Variants in ZNF143 observed in about 807,000 individuals in gnomAD.
ZNF143 encodes SPH-binding factor.
Under a neutral mutation model 74.1 loss-of-function variants are expected in ZNF143, and 49 were observed. The ratio of observed to expected loss-of-function variants is 0.66; its 90% confidence interval spans 0.53 to 0.84. The LOEUF (loss-of-function observed/expected upper bound fraction) is 0.84, where lower values mean the gene tolerates loss of function less well. Among genes scored for constraint, ZNF143 ranks in the 40% least tolerant of loss-of-function variants. The pLI is 0.00. For synonymous variants in ZNF143, 304 were observed against 282.8 expected, an observed-to-expected ratio of 1.07 and a Z score of -0.75; for missense variants, 637 against 793.4, an observed-to-expected ratio of 0.80 and a Z score of 2.37.
At chr11:9,481,566 A>C (rs940093443) in intron 7 of ZNF143, among the ~76,000 whole-genome samples, 1 of 152,126 alleles carries the variant, frequency 6.6e-6, no homozygotes, top group Admixed American at 6.6e-5. Flanking sequence ...TGACAAGTAC[A>C]TTTTAAAATA....
At chr11:9,514,092 C>T (rs552407021) in intron 13 of ZNF143, among the ~76,000 whole-genome samples, 1 of 152,092 alleles carries the variant, frequency 6.6e-6, no homozygotes, top group Non-Finnish European at 1.5e-5. Context: ...GAGGTGAGGT[C>T]TCACTGTGTT....
intron 5 of ZNF143, among the ~76,000 whole-genome samples, chr11:9,477,542 A>G (rs1857009824): frequency 1.3e-5 from 2 of 152,140 alleles, no homozygotes; most frequent in Non-Finnish European, 2.9e-5. Flanking sequence ...GGCGTGAGCC[A>G]CCACAAAAGG....
rs954775768 is a variant in ZNF143 at position 9,523,917 on chromosome 11, G to A, written c.1687-1323G>A. 4.0e-5 allele frequency among the ~76,000 whole-genome samples: 6 copies of A among 151,064 alleles called. No individual in the cohort carries two copies. In the South Asian group the frequency reaches 1.0e-3, roughly 26 times the overall value. ...ACAAAAATTAGCCGAGTGAGGTGCC[G>A]CATGCCTGTAATCCCAGCTACTCGG... On this transcript the variant is annotated intron_variant, in intron 14 of 15. Transcript: ENST00000396602.
In ZNF143 at chr11:9,508,124, TC is replaced by T. The variant is rs1408649223; in HGVS notation, c.1148-494del. Among the ~76,000 whole-genome samples, 9 of 152,356 alleles carry T rather than the reference TC, an allele frequency of 5.9e-5. No homozygotes were observed. In the South Asian group the frequency reaches 1.0e-3, roughly 18 times the overall value. The stretch of plus-strand genomic sequence containing the variant: ...GTAGCTTTTGATTGGATGTAAGAAG[TC>T]AGGTTAAGTTAAATGAAACATGTTT... On this transcript the variant is annotated intron_variant, in intron 11 of 15. Coordinates refer to ENST00000396602, the MANE Select transcript of ZNF143 (RefSeq NM_003442.6).
In ZNF143 at chr11:9,478,448, T is replaced by C; in HGVS notation, c.432T>C (p.Tyr144=). ...AVQLEDGTTA[Y]IHHAVQVPQS... ...AGCTGGAAGATGGTACCACAGCTTA[T>C]ATCCACCATGCAGTGCAAGTCCCGC... Residue 144 remains tyrosine, a synonymous_variant, in exon 6 of 16, where the codon TAT becomes TAC. Transcript: ENST00000396602. 6.2e-7 allele frequency: 1 copy of C among 1,614,174 alleles called. No homozygotes were observed. The highest frequency in any genetic ancestry group is 8.5e-7 in the Non-Finnish European group (1 of 1,180,032).
chr11:9,461,128 G>A, intron 1 of ZNF143, 52 bp downstream of exon 1: 3 of 975,574 alleles, frequency 3.1e-6, no homozygotes, highest in Non-Finnish European at 3.7e-6. Context: ...CCGCCTGGCC[G>A]CCGCCCTCAG....
chr11:9,525,039 C>T (rs1045859274), intron 14 of ZNF143, among the ~76,000 whole-genome samples: 1 of 152,124 alleles, frequency 6.6e-6, no homozygotes, highest in Non-Finnish European at 1.5e-5. Flanking sequence ...CCTATTTTGC[C>T]GTTGGCTCAC....
intron 7 of ZNF143, among the ~76,000 whole-genome samples, chr11:9,486,402 T>TATATATATAA (rs1259574052): frequency 3.8e-5 from 1 of 26,540 alleles, no homozygotes; most frequent in Non-Finnish European, 6.5e-5. Context: ...ATATAATATA[T>TATATATATAA]TATATATATA....
At position 9,508,841 on chromosome 11, in the gene ZNF143, C is replaced by G; in HGVS notation, c.1370C>G (p.Pro457Arg). 6.3e-7 allele frequency: 1 copy of G among 1,577,740 alleles called. No homozygotes were observed. The highest frequency in any genetic ancestry group is 8.6e-7 in the Non-Finnish European group (1 of 1,160,810). ...GAGCAGGAAGCCTTCTTTGAGCCGCCCCCAGGTGAGAGTTTTGTCTACTAT... is the reference window on the plus strand; with the variant it reads ...GAGCAGGAAGCCTTCTTTGAGCCGCGCCCAGGTGAGAGTTTTGTCTACTAT... The part of the protein sequence containing the change: ...EEEQEAFFEP[P>R]PGQGEDVLKG... The change falls in exon 12 of 16, where the codon CCC (proline) becomes CGC (arginine). Residue 457 changes from proline to arginine, a missense_variant. By Grantham distance (103) the Pro-to-Arg change is moderately radical (BLOSUM62 -2). Coordinates refer to ENST00000396602, the MANE Select transcript of ZNF143 (RefSeq NM_003442.6).
chr11:9,490,441 G>A (rs1044736583), intron 7 of ZNF143, among the ~76,000 whole-genome samples: 3 of 151,486 alleles, frequency 2.0e-5, no homozygotes, highest in African/African-American at 7.3e-5. Context: ...GTACCACCAT[G>A]CCCAGCTAAT....
In ZNF143 at chr11:9,512,560, A is replaced by C. The variant is rs757772374; in HGVS notation, c.1488A>C (p.Gln496His). Reference protein sequence around the residue: ...VATVTQSGLSQQVTLISQDGT... With the variant: ...VATVTQSGLSHQVTLISQDGT... Reference sequence around the variant, plus strand: ...CAGTAACCCAATCTGGACTGAGTCAACAAGTTACACTCATATCCCAGGATG... The same window carrying C: ...CAGTAACCCAATCTGGACTGAGTCACCAAGTTACACTCATATCCCAGGATG... The change falls in exon 13 of 16, where the codon CAA becomes CAC. Residue 496 changes from glutamine to histidine, a missense_variant. Gln to His is a conservative substitution (Grantham distance 24, BLOSUM62 0). Transcript: ENST00000396602. 1 of 1,614,254 alleles carries C rather than the reference A, an allele frequency of 6.2e-7. No homozygotes were observed. Among genetic ancestry groups the C allele is most frequent in the Admixed American group, 1.7e-5 (1 of 60,020 alleles).
intron 13 of ZNF143, among the ~76,000 whole-genome samples, chr11:9,513,167 C>T (rs1422146347): frequency 6.6e-6 from 1 of 152,182 alleles, no homozygotes; most frequent in Non-Finnish European, 1.5e-5. Context: ...CATTTTTAAG[C>T]TCTAGCAAAG....
intron 5 of ZNF143, among the ~76,000 whole-genome samples, chr11:9,476,839 A>G (rs1856934263): frequency 8.1e-6 from 1 of 124,202 alleles, no homozygotes; most frequent in African/African-American, 3.1e-5. Context: ...GGCTCACTGC[A>G]AGCTCCGCCT....
intron 9 of ZNF143, 57 bp from the exon 10 acceptor site, chr11:9,497,616 CAG>C (rs1172235987): frequency 4.6e-6 from 6 of 1,318,366 alleles, no homozygotes; most frequent in Non-Finnish European, 5.3e-6. Flanking sequence ...AGCTTATTCT[CAG>C]TGTGCATGTT....
At position 9,505,117 on chromosome 11, in the gene ZNF143, G is replaced by T. The variant is rs1416555553; in HGVS notation, c.1148-3502G>T. ...GCCTCCTGAGTAGCTGGGACTACAG[G>T]CGCATACCACCATGCCCAGCTAATT... On this transcript the variant is annotated intron_variant, in intron 11 of 15. Coordinates refer to ENST00000396602, the MANE Select transcript of ZNF143 (RefSeq NM_003442.6). Among the ~76,000 whole-genome samples the T allele has an allele frequency of 1.5e-4, 18 of 121,142 alleles. 2 individuals are homozygous for T. Among genetic ancestry groups the T allele is most frequent in the African/African-American group, 4.7e-4 (18 of 37,900 alleles). 79.5% of individuals were successfully genotyped at this position (121,142 alleles called of 152,430 possible). A position where few individuals can be genotyped will look rare whatever the true frequency, so the allele number is the denominator to read the frequency against.
chr11:9,503,243 AG>A (rs540505225), intron 11 of ZNF143, among the ~76,000 whole-genome samples: 182 of 72,566 alleles, frequency 2.5e-3, no homozygotes, highest in African/African-American at 4.6e-3. Context: ...TTTATTCACC[AG>A]TTGTTTTCAC....
intron 10 of ZNF143, 24 bp from the exon 11 acceptor site, chr11:9,501,067 A>G (rs757498632): frequency 1.2e-6 from 2 of 1,613,658 alleles, no homozygotes; most frequent in Non-Finnish European, 1.7e-6. Context: ...GCACCATTTA[A>G]TGTATTACCC....
At chr11:9,513,877 G>C (rs1305814448) in intron 13 of ZNF143, among the ~76,000 whole-genome samples, 1 of 152,214 alleles carries the variant, frequency 6.6e-6, no homozygotes, top group African/African-American at 2.4e-5. Context: ...ATTGGAGTGA[G>C]ACTCTGTCTC....
chr11:9,486,412 AATATATATTATATATATT>A (rs1397596812), intron 7 of ZNF143, among the ~76,000 whole-genome samples: 8 of 19,306 alleles, frequency 4.1e-4, no homozygotes, highest in East Asian at 1.1e-3. Context: ...TTATATATAT[AATATATATTATATATATT>A]ATATATATAA....
Sources: allele counts gnomAD v4.1 joint callset (sites outside exome capture counted in the v4.1 genomes callset), GRCh38; gene constraint gnomAD v4.1.1; transcripts MANE v1.5; gene names NCBI Gene and HGNC (gene_info 2026-07-23, HGNC 2026-07-21).